The following PRKCB variants were observed in gnomAD, a reference collection of about 807,000 sequenced individuals.
The protein encoded by PRKCB is protein kinase C beta.
Under a neutral mutation model 81.5 loss-of-function variants are expected in PRKCB, and 13 were observed. That is an observed-to-expected ratio of 0.16 (90% CI 0.10 to 0.25). The LOEUF is 0.25. Among genes scored for constraint, PRKCB ranks in the 10% least tolerant of loss-of-function variants. The pLI is 1.00. For missense variants in PRKCB, 509 were observed against 875.7 expected (o/e 0.58, Z 5.29); for synonymous variants, 335 against 321.4 (o/e 1.04, Z -0.45).
At chr16:24,007,828 G>A (rs6497711) in intron 3 of PRKCB, among the ~76,000 whole-genome samples, 118,136 of 152,020 alleles carry the variant, frequency 0.78, 46,717 homozygotes, top group African/African-American at 0.93. Context: ...AAGGCAGATG[G>A]CCTTGGAGAT....
intron 3 of PRKCB, among the ~76,000 whole-genome samples, chr16:24,020,453 A>G (rs2141844147): frequency 6.6e-6 from 1 of 152,354 alleles, no homozygotes; most frequent in Middle Eastern, 3.4e-3. Context: ...ATGCGAAGTT[A>G]TGACAGCTCA....
chr16:23,911,825 CATTT>C (rs372104334), intron 2 of PRKCB, among the ~76,000 whole-genome samples: 65,095 of 124,546 alleles, frequency 0.52, 17,173 homozygotes, highest in East Asian at 0.6. Flanking sequence ...GCGCGACCCA[CATTT>C]TTTTTTTTTT....
intron 2 of PRKCB, among the ~76,000 whole-genome samples, chr16:23,910,960 G>GT (rs1393498631): frequency 1.3e-5 from 2 of 151,832 alleles, no homozygotes; most frequent in African/African-American, 4.8e-5. Context: ...TTAGAATAAT[G>GT]TTTTCAAGGC....
intron 2 of PRKCB, among the ~76,000 whole-genome samples, chr16:23,923,339 A>T (rs1471651112): frequency 6.6e-6 from 1 of 151,902 alleles, no homozygotes; most frequent in Non-Finnish European, 1.5e-5. Context: ...TCAAGGTGAG[A>T]TGGCTATGGA....
chr16:24,088,287 G>C (rs1280540438), intron 5 of PRKCB, among the ~76,000 whole-genome samples: 1 of 152,120 alleles, frequency 6.6e-6, no homozygotes, highest in Non-Finnish European at 1.5e-5. Context: ...GCATTCCACA[G>C]CATTCCGTTG....
At chr16:24,142,764 C>T (rs1427337876) in intron 9 of PRKCB, among the ~76,000 whole-genome samples, 1 of 152,176 alleles carries the variant, frequency 6.6e-6, no homozygotes, top group African/African-American at 2.4e-5. Context: ...CTACCCTCTG[C>T]AGGTCTTCAG....
At chr16:24,004,679 A>G (rs1965092985) in intron 3 of PRKCB, among the ~76,000 whole-genome samples, 1 of 152,064 alleles carries the variant, frequency 6.6e-6, no homozygotes, top group South Asian at 2.1e-4. Flanking sequence ...AAACAAAAAC[A>G]TAAAACAGGG....
intron 2 of PRKCB, among the ~76,000 whole-genome samples, chr16:23,943,461 G>A (rs7205201): frequency 0.02 from 3,036 of 152,262 alleles, 112 homozygotes; most frequent in African/African-American, 0.067. Flanking sequence ...CCCAGGAGGT[G>A]GAGGTTGCAG....
chr16:23,933,260 G>A (rs537975908), intron 2 of PRKCB, among the ~76,000 whole-genome samples: 14 of 152,288 alleles, frequency 9.2e-5, no homozygotes, highest in Middle Eastern at 3.4e-3. Flanking sequence ...TTGGAGCTAT[G>A]GCAGCCACAT....
chr16:24,138,845 C>CTTTTTT (rs991952336), intron 9 of PRKCB, among the ~76,000 whole-genome samples: 22 of 78,846 alleles, frequency 2.8e-4, no homozygotes, highest in African/African-American at 5.9e-4. Context: ...CAGTATTTGT[C>CTTTTTT]TTTTTTTTTT....
At chr16:24,039,205 G>T (rs1363725936) in intron 5 of PRKCB, among the ~76,000 whole-genome samples, 2 of 152,076 alleles carry the variant, frequency 1.3e-5, no homozygotes, top group African/African-American at 4.8e-5. Flanking sequence ...GAACTGTGAA[G>T]AAATAAATGT....
intron 5 of PRKCB, among the ~76,000 whole-genome samples, chr16:24,050,999 C>T (rs1965834523): frequency 6.6e-6 from 1 of 152,020 alleles, no homozygotes; most frequent in African/African-American, 2.4e-5. Flanking sequence ...AGGGTTTGGC[C>T]TTTTGCTCCA....
intron 2 of PRKCB, among the ~76,000 whole-genome samples, chr16:23,956,021 A>G (rs1964345325): frequency 6.6e-6 from 1 of 152,256 alleles, no homozygotes. Context: ...TTCACCTTAT[A>G]GAAGCAATAA....
intron 15 of PRKCB, 127 bp downstream of exon 15, chr16:24,185,694 A>AT: frequency 1.3e-6 from 1 of 744,782 alleles, no homozygotes; most frequent in Non-Finnish European, 2.2e-6. Flanking sequence ...ATTTGCCAAT[A>AT]TGAGAACCCT....
intron 9 of PRKCB, among the ~76,000 whole-genome samples, chr16:24,140,082 G>A (rs1203449780): frequency 6.6e-6 from 1 of 152,228 alleles, no homozygotes; most frequent in Non-Finnish European, 1.5e-5. Context: ...AGAGGCAAGT[G>A]CATTTGATTC....
chr16:23,857,151 AT>A, intron 2 of PRKCB, among the ~76,000 whole-genome samples: 1 of 152,206 alleles, frequency 6.6e-6, no homozygotes, highest in Admixed American at 6.5e-5. Flanking sequence ...TCCAAATAGA[AT>A]TTTAAGTATG....
At position 24,111,779 on chromosome 16, in the gene PRKCB, C is replaced by T. The variant is rs142521092; in HGVS notation, c.822-1194C>T. Among the ~76,000 whole-genome samples the T allele has an allele frequency of 2.0e-5, 3 of 152,164 alleles. No homozygotes were observed. The East Asian group carries it at 5.8e-4, about 29-fold the overall frequency. On this transcript the variant is annotated intron_variant, in intron 7 of 16. Coordinates refer to ENST00000643927, the MANE Select transcript of PRKCB (RefSeq NM_002738.7). ...TGCTGCTGCACTCCAGCCTTGGTGACAGAACAAGGCCCTGTCTCTAAAATA... is the reference window on the plus strand; with the variant it reads ...TGCTGCTGCACTCCAGCCTTGGTGATAGAACAAGGCCCTGTCTCTAAAATA...
intron 2 of PRKCB, among the ~76,000 whole-genome samples, chr16:23,919,393 A>AC (rs1160963085): frequency 6.6e-6 from 1 of 151,804 alleles, no homozygotes; most frequent in Non-Finnish European, 1.5e-5. Context: ...TTTGCAAAAA[A>AC]AAAAAAACCT....
intron 5 of PRKCB, among the ~76,000 whole-genome samples, chr16:24,049,568 G>T (rs982729303): frequency 6.7e-6 from 1 of 149,542 alleles, no homozygotes; most frequent in African/African-American, 2.5e-5. Context: ...GGACATGCAC[G>T]CTTAACCACT....
Sources: allele counts gnomAD v4.1 joint callset (sites outside exome capture counted in the v4.1 genomes callset), GRCh38; gene constraint gnomAD v4.1.1; transcripts MANE v1.5; gene names NCBI Gene and HGNC (gene_info 2026-07-23, HGNC 2026-07-21).